PALM2AKAP2: variants seen among roughly 807,000 people sequenced by gnomAD.
PALM2AKAP2 encodes the protein PALM2-AKAP2 fusion protein.
In PALM2AKAP2, 37 loss-of-function variants were observed where a neutral mutation model predicts 71.5. The ratio of observed to expected loss-of-function variants is 0.52; its 90% confidence interval spans 0.40 to 0.68. PALM2AKAP2 has a LOEUF of 0.68. PALM2AKAP2 is among the 30% of genes least tolerant of loss of function. The pLI is 0.00. For synonymous variants in PALM2AKAP2, 468 were observed against 478.8 expected (o/e 0.98, Z 0.29); for missense variants, 1,224 against 1,191.8 (o/e 1.03, Z -0.40).
At chr9:109,912,166 T>G (rs1830584772) in intron 3 of PALM2AKAP2, among the ~76,000 whole-genome samples, 1 of 151,888 alleles carries the variant, frequency 6.6e-6, no homozygotes, top group African/African-American at 2.4e-5. Context: ...ATGGAGGGTG[T>G]GAACTTCCAG....
At chr9:109,713,031 T>A (rs925461798) in intron 1 of PALM2AKAP2, among the ~76,000 whole-genome samples, 11 of 152,228 alleles carry the variant, frequency 7.2e-5, no homozygotes, top group Non-Finnish European at 1.5e-4. Context: ...CTCTGCTCCA[T>A]CACTTAAGTA....
chr9:109,987,320 G>T (rs1832397356), intron 6 of PALM2AKAP2, among the ~76,000 whole-genome samples: 1 of 151,878 alleles, frequency 6.6e-6, no homozygotes, highest in South Asian at 2.1e-4. Context: ...TAGTAGAGAG[G>T]GGGTTTCACC....
At chr9:109,654,378 T>C (rs1487284420) in intron 1 of PALM2AKAP2, among the ~76,000 whole-genome samples, 3 of 152,238 alleles carry the variant, frequency 2.0e-5, no homozygotes, top group Non-Finnish European at 4.4e-5. Flanking sequence ...TTTTCATTTA[T>C]GTGAGATGAG....
chr9:109,860,433 T>C (rs75367720), intron 1 of PALM2AKAP2, among the ~76,000 whole-genome samples: 1 of 152,182 alleles, frequency 6.6e-6, no homozygotes. Context: ...TATTTCTTGG[T>C]GTAACCCAGA....
intron 1 of PALM2AKAP2, among the ~76,000 whole-genome samples, chr9:110,092,932 A>G (rs1247894067): frequency 3.3e-5 from 5 of 152,182 alleles, no homozygotes; most frequent in Non-Finnish European, 7.3e-5. Context: ...TATGACCCCC[A>G]GGGATGGGGT....
chr9:110,123,249 A>T (rs1187980404), intron 1 of PALM2AKAP2, among the ~76,000 whole-genome samples: 12 of 152,210 alleles, frequency 7.9e-5, no homozygotes, highest in Non-Finnish European at 1.8e-4. Context: ...GGCTTAAACA[A>T]CAGAAATTTA....
In PALM2AKAP2 at chr9:109,931,799, C is replaced by A. The variant is rs569762811; in HGVS notation, c.395-128C>A. ...GGGCAAATGCTTGTCTTTGTTTACC[C>A]TGATCCTCCTGTTCAGTGGCCGCCT... On this transcript the variant is annotated intron_variant, in intron 5 of 9. Transcript: ENST00000302798. 5 of 1,017,080 alleles carry A rather than the reference C, an allele frequency of 4.9e-6. No individual in the cohort carries two copies. In the South Asian group the frequency reaches 7.5e-5, roughly 15 times the overall value. 63.0% of individuals were successfully genotyped at this position (1,017,080 alleles called of 1,614,324 possible). A position where few individuals can be genotyped will look rare whatever the true frequency, so the allele number is the denominator to read the frequency against.
At chr9:109,788,110 A>G (rs1233125367) in intron 1 of PALM2AKAP2, among the ~76,000 whole-genome samples, 2 of 152,240 alleles carry the variant, frequency 1.3e-5, no homozygotes, top group Non-Finnish European at 2.9e-5. Flanking sequence ...GAATACTCAC[A>G]TCTAGATAGG....
chr9:109,800,735 G>T lies in PALM2AKAP2; in HGVS notation c.45+20202G>T, dbSNP rs565004664. ...AAATAGAATCTTTAAATCTACAGGG[G>T]TTTGTTGTTGTTTATTTCTACAGAT... On this transcript the variant is annotated intron_variant, in intron 1 of 9. Transcript: ENST00000302798. 3.3e-5 allele frequency among the ~76,000 whole-genome samples: 5 copies of T among 152,288 alleles called. No individual in the cohort carries two copies. In the East Asian group the frequency reaches 9.6e-4, roughly 29 times the overall value.
At chr9:109,957,130 C>T (rs1588032491) in intron 6 of PALM2AKAP2, among the ~76,000 whole-genome samples, 1 of 152,140 alleles carries the variant, frequency 6.6e-6, no homozygotes, top group African/African-American at 2.4e-5. Flanking sequence ...AGTAAGATCA[C>T]GATCGTTTAA....
intron 1 of PALM2AKAP2, among the ~76,000 whole-genome samples, chr9:109,687,624 G>C (rs138958603): frequency 1.3e-5 from 2 of 152,294 alleles, no homozygotes; most frequent in African/African-American, 4.8e-5. Context: ...TGTTGTGGCT[G>C]GTTTGACCAC....
chr9:109,762,312 A>G (rs1340430859), intron 1 of PALM2AKAP2, among the ~76,000 whole-genome samples: 1 of 151,688 alleles, frequency 6.6e-6, no homozygotes, highest in Non-Finnish European at 1.5e-5. Flanking sequence ...TCTTTTGGCA[A>G]TAAACTTTGA....
At chr9:109,838,185 C>G (rs1027727731) in intron 1 of PALM2AKAP2, among the ~76,000 whole-genome samples, 1 of 152,216 alleles carries the variant, frequency 6.6e-6, no homozygotes, top group African/African-American at 2.4e-5. Context: ...GTCTCTCAGA[C>G]CACAGTGCAA....
chr9:109,816,885 G>C (rs1352850238), intron 1 of PALM2AKAP2, among the ~76,000 whole-genome samples: 1 of 152,168 alleles, frequency 6.6e-6, no homozygotes, highest in East Asian at 1.9e-4. Context: ...ATGCCATCTG[G>C]CTTAAGAGCC....
At chr9:110,084,008 T>C (rs1834505593) in intron 1 of PALM2AKAP2, among the ~76,000 whole-genome samples, 1 of 152,218 alleles carries the variant, frequency 6.6e-6, no homozygotes, top group East Asian at 1.9e-4. Flanking sequence ...GGGCGGGAAC[T>C]CCCAGCTGAC....
chr9:110,058,098 G>A (rs10980169), intron 1 of PALM2AKAP2, among the ~76,000 whole-genome samples: 2 of 152,150 alleles, frequency 1.3e-5, no homozygotes, highest in East Asian at 3.9e-4. Flanking sequence ...TATCAATGGT[G>A]CCAATGTTGA....
intron 2 of PALM2AKAP2, among the ~76,000 whole-genome samples, chr9:109,868,358 C>G (rs117292905): frequency 1.3e-5 from 2 of 152,194 alleles, no homozygotes; most frequent in Non-Finnish European, 2.9e-5. Context: ...TGACCACATT[C>G]CAATGGCCAG....
chr9:110,140,608 C>A (rs1002051964), intron 2 of PALM2AKAP2, among the ~76,000 whole-genome samples: 4 of 150,374 alleles, frequency 2.7e-5, no homozygotes, highest in African/African-American at 9.9e-5. Flanking sequence ...TCTCCCTTTC[C>A]ATATTTGTGA....
At chr9:110,051,094 C>T (rs1833701436) in intron 1 of PALM2AKAP2, among the ~76,000 whole-genome samples, 1 of 152,226 alleles carries the variant, frequency 6.6e-6, no homozygotes, top group Admixed American at 6.5e-5. Flanking sequence ...GAGTTCATTT[C>T]ACTTTCTTTC....
Sources: allele counts gnomAD v4.1 joint callset (sites outside exome capture counted in the v4.1 genomes callset), GRCh38; gene constraint gnomAD v4.1.1; transcripts MANE v1.5; gene names NCBI Gene and HGNC (gene_info 2026-07-23, HGNC 2026-07-21).